The following TMEM178B variants were observed in gnomAD, a reference collection of about 807,000 sequenced individuals.
TMEM178B encodes the protein transmembrane protein 178B.
A neutral mutation model predicts 31.0 loss-of-function variants in TMEM178B; 5 were observed. The observed-to-expected ratio is 0.16, with a 90% CI of 0.08 to 0.34. The LOEUF (loss-of-function observed/expected upper bound fraction) is 0.34. Ranked by LOEUF, TMEM178B falls within the 10% of genes least tolerant of loss-of-function variation. The probability of loss-of-function intolerance (pLI) is 1.00; values close to 1 mark genes in which losing one functional copy is unlikely to be tolerated. For missense variants in TMEM178B, 275 were observed against 400.3 expected (o/e 0.69, Z 2.67); for synonymous variants, 164 against 164.0 (o/e 1.00, Z 0.00).
At chr7:141,328,094 C>T (rs1482703326) in intron 2 of TMEM178B, among the ~76,000 whole-genome samples, 1 of 152,230 alleles carries the variant, frequency 6.6e-6, no homozygotes, top group Non-Finnish European at 1.5e-5. Flanking sequence ...AAGATCTTCA[C>T]TTGCATACTC....
chr7:141,132,749 C>CA (rs1453360464), intron 1 of TMEM178B, among the ~76,000 whole-genome samples: 1 of 152,116 alleles, frequency 6.6e-6, no homozygotes, highest in African/African-American at 2.4e-5. Flanking sequence ...TGTAGGCACC[C>CA]AAGCAAGCTG....
rs751227956 is a variant in TMEM178B, at chr7:141,171,937, T to C, written c.383-40654T>C. On this transcript the variant is annotated intron_variant, in intron 1 of 3. Transcript: ENST00000565468. This position sits in a 1 kb window ranked among gnomAD's most constrained non-coding sequence, Gnocchi z 4.3. The stretch of plus-strand genomic sequence containing the variant: ...CCTCTACACATTAATTCTCAACAGG[T>C]AATTGTTGAGTACCTATTGTGTGCT... Among the ~76,000 whole-genome samples, 2 of 152,196 alleles carry C rather than the reference T, an allele frequency of 1.3e-5. No homozygotes were observed. The highest frequency in any genetic ancestry group is 2.9e-5 in the Non-Finnish European group (2 of 68,028).
At chr7:141,419,945 A>G (rs768008642) in intron 2 of TMEM178B, among the ~76,000 whole-genome samples, 6 of 152,192 alleles carry the variant, frequency 3.9e-5, no homozygotes, top group Non-Finnish European at 5.9e-5. Flanking sequence ...TCTTTCTCCT[A>G]TTCATCAAAT....
At chr7:141,305,829 G>A (rs1043490401) in intron 2 of TMEM178B, among the ~76,000 whole-genome samples, 5 of 151,982 alleles carry the variant, frequency 3.3e-5, no homozygotes, top group Admixed American at 1.3e-4. Context: ...ACCCTTTCTC[G>A]AGGTTATCAT....
chr7:141,215,469 G>A (rs1797117848), intron 2 of TMEM178B, among the ~76,000 whole-genome samples: 1 of 152,044 alleles, frequency 6.6e-6, no homozygotes, highest in South Asian at 2.1e-4. Context: ...GGGACTACAG[G>A]CGTGTGCCAC....
At chr7:141,269,443 A>G (rs987716783) in intron 2 of TMEM178B, among the ~76,000 whole-genome samples, 1 of 152,108 alleles carries the variant, frequency 6.6e-6, no homozygotes, top group African/African-American at 2.4e-5. Context: ...ATTTTTCTTC[A>G]GTTAATAATG....
At chr7:141,278,141 A>C (rs1487675947) in intron 2 of TMEM178B, among the ~76,000 whole-genome samples, 3 of 152,274 alleles carry the variant, frequency 2.0e-5, no homozygotes, top group African/African-American at 7.2e-5. Flanking sequence ...AGATGTCGGC[A>C]GTGGGAAATA....
intron 2 of TMEM178B, among the ~76,000 whole-genome samples, chr7:141,233,751 A>C (rs900578296): frequency 6.6e-6 from 1 of 152,160 alleles, no homozygotes; most frequent in African/African-American, 2.4e-5. Context: ...TTCCCTATCA[A>C]AATGTACTTC....
chr7:141,319,986 G>A (rs1490993576), intron 2 of TMEM178B, among the ~76,000 whole-genome samples: 1 of 152,084 alleles, frequency 6.6e-6, no homozygotes, highest in Non-Finnish European at 1.5e-5. Flanking sequence ...ATCTCAAATT[G>A]TAATCCCCAC....
chr7:141,360,497 G>A (rs957169931), intron 2 of TMEM178B, among the ~76,000 whole-genome samples: 12 of 152,152 alleles, frequency 7.9e-5, no homozygotes, highest in East Asian at 1.9e-4. Flanking sequence ...TTTTTTCCTC[G>A]CTCATTCCTT....
intron 2 of TMEM178B, among the ~76,000 whole-genome samples, chr7:141,416,795 G>A (rs1326757908): frequency 2.0e-5 from 3 of 152,152 alleles, no homozygotes; most frequent in Non-Finnish European, 2.9e-5. Context: ...GGCTAACGGG[G>A]TGGGGATGCT....
chr7:141,437,694 T>A lies in TMEM178B; in HGVS notation c.583T>A (p.Trp195Arg), dbSNP rs1218802902. ...GWIIGVLGCCWDRGLMQYVAG... is the reference protein window; with the variant it reads ...GWIIGVLGCCRDRGLMQYVAG... ...GATCATCGGCGTGCTGGGCTGCTGC[T>A]GGGACCGAGGCCTTATGCAGTACGT... The change falls in exon 3 of 4, where the codon TGG becomes AGG. Residue 195 changes from tryptophan (W) to arginine (R), a missense_variant. By Grantham distance (101) the Trp-to-Arg change is moderately radical. Transcript: ENST00000565468. The A allele has an allele frequency of 6.5e-7, 1 of 1,536,034 alleles. No individual in the cohort carries two copies. Among genetic ancestry groups the A allele is most frequent in the Non-Finnish European group, 8.7e-7 (1 of 1,146,878 alleles).
Position 141,465,302 on chromosome 7 carries a change from GTAATTAGACATCTTT to G in TMEM178B, c.635-5217_635-5203del, listed in dbSNP as rs889356562. On this transcript the variant is annotated intron_variant, in intron 3 of 3. Coordinates refer to ENST00000565468, the MANE Select transcript of TMEM178B (RefSeq NM_001195278.2). The stretch of plus-strand genomic sequence containing the variant: ...TGGAGGAGGTTGCAGTTCCCGTGCT[GTAATTAGACATCTTT>G]TAATTAGACATCTTTTCCAGCAGAG... 5.8e-4 allele frequency among the ~76,000 whole-genome samples: 88 copies of G among 152,304 alleles called. 1 individual carries two copies. Among genetic ancestry groups the G allele is most frequent in the African/African-American group, 2.0e-3 (83 of 41,566 alleles).
chr7:141,175,419 T>G (rs200027674), intron 1 of TMEM178B, among the ~76,000 whole-genome samples: 3 of 152,170 alleles, frequency 2.0e-5, no homozygotes, highest in African/African-American at 7.2e-5. Flanking sequence ...TTGTTCTTTC[T>G]GCTTAGGATT....
At chr7:141,464,996 C>A (rs1234729457) in intron 3 of TMEM178B, among the ~76,000 whole-genome samples, 2 of 152,164 alleles carry the variant, frequency 1.3e-5, no homozygotes, top group Non-Finnish European at 2.9e-5. Flanking sequence ...AGGCCCAAAC[C>A]CCAATTCATA....
chr7:141,378,742 T>C (rs1395455954), intron 2 of TMEM178B, among the ~76,000 whole-genome samples: 3 of 152,230 alleles, frequency 2.0e-5, no homozygotes, highest in African/African-American at 7.2e-5. Context: ...TTAGAGGGGC[T>C]ATTTTTTATT....
intron 2 of TMEM178B, among the ~76,000 whole-genome samples, chr7:141,271,038 G>A (rs2116379408): frequency 6.6e-6 from 1 of 152,216 alleles, no homozygotes; most frequent in East Asian, 1.9e-4. Context: ...GTTCAATATG[G>A]GCTCTAGAAG....
chr7:141,315,426 C>T (rs1798984314), intron 2 of TMEM178B, among the ~76,000 whole-genome samples: 1 of 152,186 alleles, frequency 6.6e-6, no homozygotes, highest in Non-Finnish European at 1.5e-5. Flanking sequence ...AAGGGCAGTC[C>T]TGTCCCACAC....
chr7:141,082,435 G>A (rs534348), intron 1 of TMEM178B, among the ~76,000 whole-genome samples: 115,239 of 152,186 alleles, frequency 0.76, 44,939 homozygotes, highest in Non-Finnish European at 0.85. Context: ...AAAAACTTAA[G>A]ACATACTCAC....
Sources: gnomAD v4.1 joint callset for allele counts (sites outside exome capture counted in the v4.1 genomes callset) on GRCh38, gnomAD v4.1.1 for gene constraint, Gnocchi (gnomAD v3.1) non-coding constraint, MANE v1.5 for transcripts, NCBI Gene and HGNC (gene_info 2026-07-23, HGNC 2026-07-21) for gene names.